The following AFTPH variants were observed in gnomAD, a reference collection of about 807,000 sequenced individuals.
The protein encoded by AFTPH is aftiphilin, also known as aftiphilin protein.
AFTPH carries 7 observed loss-of-function variants against 72.5 expected under a neutral mutation model. The observed-to-expected ratio is 0.10, with a 90% CI of 0.05 to 0.18. The LOEUF (loss-of-function observed/expected upper bound fraction) is 0.18. Ranked by LOEUF, AFTPH falls within the 10% of genes least tolerant of loss-of-function variation. The pLI, the probability that AFTPH is intolerant of heterozygous loss-of-function variation, is 1.00. For synonymous variants in AFTPH, 337 were observed against 370.1 expected (o/e 0.91, Z 1.03); for missense variants, 979 against 1,060.5 (o/e 0.92, Z 1.07).
exon 2 of AFTPH, chr2:64,552,408 G>A: frequency 2.5e-6 from 4 of 1,614,064 alleles, no homozygotes; most frequent in Non-Finnish European, 3.4e-6. Flanking sequence ...AGGTTTCAGT[G>A]TTGAAAAACA....
chr2:64,534,797 G>A (rs1669802104), intron 1 of AFTPH, among the ~76,000 whole-genome samples: 1 of 149,692 alleles, frequency 6.7e-6, no homozygotes, highest in African/African-American at 2.5e-5. Flanking sequence ...CTAATTATAA[G>A]TGAAGCTTCA....
intron 1 of AFTPH, among the ~76,000 whole-genome samples, chr2:64,548,484 T>C (rs1046805722): frequency 6.7e-6 from 1 of 149,688 alleles, no homozygotes; most frequent in African/African-American, 2.5e-5. Context: ...TATGCTATTG[T>C]AGGGATATAG....
chr2:64,540,570 CAAAT>C (rs926218289), intron 1 of AFTPH, among the ~76,000 whole-genome samples: 4 of 152,108 alleles, frequency 2.6e-5, no homozygotes, highest in Non-Finnish European at 5.9e-5. Flanking sequence ...CAACTTCTCT[CAAAT>C]AACTCATTGC....
At chr2:64,552,566 A>G in exon 2 of AFTPH, 1 of 1,614,152 alleles carries the variant, frequency 6.2e-7, no homozygotes, top group Middle Eastern at 1.6e-4. Flanking sequence ...TTACTTCTAA[A>G]TGTGCTCACC....
At chr2:64,581,873 AT>A (rs1405198682) in intron 7 of AFTPH, among the ~76,000 whole-genome samples, 4 of 152,194 alleles carry the variant, frequency 2.6e-5, no homozygotes, top group East Asian at 1.9e-4. Context: ...GGGAAAAAAA[AT>A]GTTACAAAAG....
chr2:64,567,860 G>C, intron 3 of AFTPH, 147 bp downstream of exon 3: 1 of 761,668 alleles, frequency 1.3e-6, no homozygotes, highest in Non-Finnish European at 2.0e-6. Context: ...AGCCAACATG[G>C]TGAAACCCTG....
chr2:64,592,063 C>T (rs899831916), exon 9 of AFTPH: 3 of 1,585,308 alleles, frequency 1.9e-6, no homozygotes, highest in African/African-American at 2.8e-5. Context: ...GTTTCTATTG[C>T]TTTTCCTTTT....
intron 7 of AFTPH, 192 bp downstream of exon 7, chr2:64,579,738 T>G: frequency 2.1e-6 from 1 of 466,250 alleles, no homozygotes. Flanking sequence ...AGTATTAATG[T>G]CCAAATATAG....
chr2:64,532,129 G>C (rs1413658659), intron 1 of AFTPH, among the ~76,000 whole-genome samples: 2 of 152,120 alleles, frequency 1.3e-5, no homozygotes, highest in Non-Finnish European at 2.9e-5. Flanking sequence ...CTTACCTGAG[G>C]AATTGATCTT....
intron 1 of AFTPH, among the ~76,000 whole-genome samples, chr2:64,548,928 C>G (rs1245669893): frequency 2.0e-5 from 3 of 152,108 alleles, no homozygotes; most frequent in Non-Finnish European, 4.4e-5. Flanking sequence ...GGAGCCTTTT[C>G]CTTTTCTTGT....
chr2:64,529,630 T>G (rs1669502271), intron 1 of AFTPH, among the ~76,000 whole-genome samples: 1 of 132,070 alleles, frequency 7.6e-6, no homozygotes, highest in Admixed American at 7.6e-5. Context: ...AAAAAACAAA[T>G]CACTTTTTTT....
At chr2:64,524,948 C>T (rs1468626828) in intron 1 of AFTPH, among the ~76,000 whole-genome samples, 1 of 152,274 alleles carries the variant, frequency 6.6e-6, no homozygotes, top group Non-Finnish European at 1.5e-5. Flanking sequence ...GCGCTGGCTG[C>T]GTTCTCCAGG....
Position 64,578,353 on chromosome 2 carries a change from A to G in AFTPH, c.2395-1133A>G, listed in dbSNP as rs75004287. On this transcript the variant is annotated intron_variant, in intron 6 of 8. Transcript: ENST00000238856. ...AAAGACGATAACATTTTGATATCAAAAGTCTAATAAAATACAGGTTATTTT... is the reference window on the plus strand; with the variant it reads ...AAAGACGATAACATTTTGATATCAAGAGTCTAATAAAATACAGGTTATTTT... 1.2e-3 allele frequency among the ~76,000 whole-genome samples: 187 copies of G among 152,336 alleles called. 2 individuals are homozygous for G. The East Asian group carries it at 0.035, about 29-fold the overall frequency.
intron 6 of AFTPH, among the ~76,000 whole-genome samples, chr2:64,576,182 TACATATATATATATA>T (rs1444123548): frequency 1.7e-4 from 25 of 147,444 alleles, no homozygotes; most frequent in Non-Finnish European, 3.3e-4. Flanking sequence ...GATTTACATA[TACATATATATATATA>T]ACATATATAT....
At chr2:64,549,601 G>A (rs7589418) in intron 1 of AFTPH, among the ~76,000 whole-genome samples, 2,753 of 151,968 alleles carry the variant, frequency 0.018, 94 homozygotes, top group African/African-American at 0.061. Context: ...GATTATAGGT[G>A]GTCCCTTTGC....
intron 8 of AFTPH, among the ~76,000 whole-genome samples, chr2:64,588,442 C>T (rs1673635523): frequency 1.3e-5 from 2 of 152,178 alleles, no homozygotes; most frequent in South Asian, 4.1e-4. Context: ...GTTTCCAACT[C>T]TGTTAGGAGT....
intron 2 of AFTPH, among the ~76,000 whole-genome samples, chr2:64,562,070 C>G (rs1026809921): frequency 1.3e-5 from 2 of 152,122 alleles, no homozygotes; most frequent in African/African-American, 4.8e-5. Context: ...ATGGTACTTA[C>G]CTGAATCTTC....
At chr2:64,530,125 C>T (rs537254401) in intron 1 of AFTPH, among the ~76,000 whole-genome samples, 1 of 152,228 alleles carries the variant, frequency 6.6e-6, no homozygotes, top group South Asian at 2.1e-4. Context: ...CATTGCACCC[C>T]AGCCTGGACA....
At chr2:64,568,663 A>G (rs1672238157) in intron 3 of AFTPH, among the ~76,000 whole-genome samples, 1 of 152,182 alleles carries the variant, frequency 6.6e-6, no homozygotes, top group African/African-American at 2.4e-5. Context: ...TCTGTTGCCC[A>G]GGCTGGAGTG....
Sources: allele counts gnomAD v4.1 joint callset (sites outside exome capture counted in the v4.1 genomes callset), GRCh38; gene constraint gnomAD v4.1.1; transcripts MANE v1.5; gene names NCBI Gene and HGNC (gene_info 2026-07-23, HGNC 2026-07-21).